PPFIA3: variants seen among roughly 807,000 people sequenced by gnomAD.
PPFIA3 encodes the protein PPFI scaffold protein A3.
Under a neutral mutation model 145.8 loss-of-function variants are expected in PPFIA3, and 26 were observed. The ratio of observed to expected loss-of-function variants is 0.18; its 90% CI spans 0.13 to 0.25. The LOEUF is 0.25. Ranked by LOEUF, PPFIA3 falls within the 10% of genes least tolerant of loss-of-function variation. The pLI, the probability that PPFIA3 is intolerant of heterozygous loss-of-function variation, is 1.00. For missense variants in PPFIA3, 1,008 were observed against 1,587.8 expected, an observed-to-expected ratio of 0.63 and a Z score of 6.21; for synonymous variants, 645 against 661.4, an observed-to-expected ratio of 0.98 and a Z score of 0.38.
intron 1 of PPFIA3, among the ~76,000 whole-genome samples, chr19:49,122,461 C>G (rs1254474446): frequency 1.3e-5 from 2 of 152,198 alleles, no homozygotes; most frequent in Admixed American, 1.3e-4. Context: ...TTCCAAAGTT[C>G]TAACAACAAG....
chr19:49,141,764 A>G (rs759611192), intron 19 of PPFIA3, among the ~76,000 whole-genome samples: 36 of 139,304 alleles, frequency 2.6e-4, no homozygotes, highest in Non-Finnish European at 4.5e-4. Flanking sequence ...TCTTTTTTTA[A>G]AAATTTTTTT....
chr19:49,129,339 A>G (rs926430964), intron 4 of PPFIA3, 41 bp from the exon 5 acceptor site: 1 of 1,544,758 alleles, frequency 6.5e-7, no homozygotes, highest in Non-Finnish European at 8.7e-7. Context: ...CCTAAACTGG[A>G]TCTTGTCTCC....
rs2041060813 is a variant in PPFIA3 at position 49,130,852 on chromosome 19, C to G, written c.879+253C>G. Reference sequence around the variant, plus strand: ...CTAACTTTGGGTTCTTCTCTGGTGCCTCTAAATGGATTTTTTTTTTCTTTT... The same window carrying G: ...CTAACTTTGGGTTCTTCTCTGGTGCGTCTAAATGGATTTTTTTTTTCTTTT... On this transcript the variant is annotated intron_variant, in intron 7 of 29. Transcript: ENST00000334186. The surrounding 1 kb of genome is among the most constrained non-coding windows in gnomAD (Gnocchi z 4.5). Among the ~76,000 whole-genome samples the G allele has an allele frequency of 6.6e-6, 1 of 151,956 alleles. No individual in the cohort carries two copies. The highest frequency in any genetic ancestry group is 2.4e-5 in the African/African-American group (1 of 41,282).
chr19:49,133,398 T>C lies in PPFIA3; in HGVS notation c.1161+27T>C, dbSNP rs780900136. 1 of 1,571,228 alleles carries C rather than the reference T, an allele frequency of 6.4e-7. No individual in the cohort carries two copies. On this transcript the variant is annotated intron_variant, in intron 9 of 29. Transcript: ENST00000334186. This position sits in a 1 kb window ranked among gnomAD's most constrained non-coding sequence, Gnocchi z 7.2. ...TGCGGGGAGGACTCGGGTCGGGGCC[T>C]TGCGTGGGGAAGGGGTGGGGCCTAG...
Position 49,132,981 on chromosome 19 carries a change from G to C in PPFIA3, c.880-20G>C, listed in dbSNP as rs370591962. 1,160 of 1,606,476 alleles carry C rather than the reference G, an allele frequency of 7.2e-4. 12 individuals carry two copies. The African/African-American group carries it at 0.012, about 17-fold the overall frequency. ...CCCCCAGGGGCTCGCAGTCCACGGGGCCCTTTGCTACCTCCGCAGGCGCTG... is the reference window on the plus strand; with the variant it reads ...CCCCCAGGGGCTCGCAGTCCACGGGCCCCTTTGCTACCTCCGCAGGCGCTG... On this transcript the variant is annotated intron_variant, in intron 7 of 29. Transcript: ENST00000334186.
intron 7 of PPFIA3, 111 bp from the exon 8 acceptor site, chr19:49,132,890 C>T: frequency 2.1e-6 from 3 of 1,406,960 alleles, no homozygotes; most frequent in Non-Finnish European, 2.9e-6. Context: ...GGGTGTGACA[C>T]CACCATTCTG....
At chr19:49,131,801 G>A (rs1027004344) in intron 7 of PPFIA3, among the ~76,000 whole-genome samples, 1 of 151,102 alleles carries the variant, frequency 6.6e-6, no homozygotes, top group Non-Finnish European at 1.5e-5. Context: ...ACGAGGTCAG[G>A]AGATCAAGAC....
intron 21 of PPFIA3, 58 bp from the exon 22 acceptor site, chr19:49,145,885 T>C: frequency 6.6e-7 from 1 of 1,516,266 alleles, no homozygotes. Flanking sequence ...GACACCCTCC[T>C]TCCTCTCCCC....
At chr19:49,122,713 TG>T (rs1233116261) in intron 1 of PPFIA3, among the ~76,000 whole-genome samples, 294 of 121,158 alleles carry the variant, frequency 2.4e-3, no homozygotes, top group Non-Finnish European at 4.2e-3. Context: ...GTTGTTTAGT[TG>T]TTTTTTTTTT....
chr19:49,135,152 G>C (rs772478771), intron 13 of PPFIA3, among the ~76,000 whole-genome samples: 1 of 150,940 alleles, frequency 6.6e-6, no homozygotes, highest in Admixed American at 6.6e-5. Context: ...AGCGATTCTC[G>C]TGCCTCAGCC....
chr19:49,140,483 G>C (rs951023138), intron 18 of PPFIA3, among the ~76,000 whole-genome samples: 1 of 151,096 alleles, frequency 6.6e-6, no homozygotes, highest in East Asian at 1.9e-4. Flanking sequence ...TGAGCAGCTG[G>C]GACTATAGGC....
In PPFIA3 at chr19:49,148,184, G is replaced by A; in HGVS notation, c.2937G>A (p.Val979=). Residue 979 remains valine, a synonymous_variant, in exon 24 of 30, where the codon GTG becomes GTA. Transcript: ENST00000334186. The part of the protein sequence containing the change: ...QYRSYFMESL[V]DARMLDHLNK... The stretch of plus-strand genomic sequence containing the variant: ...GCAGCTACTTCATGGAGTCGCTGGT[G>A]GACGCTCGAATGTTAGATCACCTTA... 6.2e-7 allele frequency: 1 copy of A among 1,614,228 alleles called. No homozygotes were observed. The highest frequency in any genetic ancestry group is 8.5e-7 in the Non-Finnish European group (1 of 1,180,034).
chr19:49,129,486 T>A, intron 5 of PPFIA3, 32 bp downstream of exon 5: 1 of 1,549,772 alleles, frequency 6.5e-7, no homozygotes, highest in Non-Finnish European at 8.7e-7. Context: ...GGAATTTGAA[T>A]CCAAGGGGAG....
rs2040922014 is a variant in PPFIA3, at chr19:49,120,337, A to G, written c.-16+615A>G. Among the ~76,000 whole-genome samples, 1 of 152,060 alleles carries G rather than the reference A, an allele frequency of 6.6e-6. No individual in the cohort carries two copies. Among genetic ancestry groups the G allele is most frequent in the African/African-American group, 2.4e-5 (1 of 41,414 alleles). The stretch of plus-strand genomic sequence containing the variant: ...GGGCCCTCCCCGACCAGGGCGCCCC[A>G]GCCTCTGGGTTCTGCCGGCCAGGCT... On this transcript the variant is annotated intron_variant, in intron 1 of 29. Coordinates refer to ENST00000334186, the MANE Select transcript of PPFIA3 (RefSeq NM_003660.4). The surrounding 1 kb of genome is among the most constrained non-coding windows in gnomAD (Gnocchi z 4.6).
chr19:49,133,174 G>T lies in PPFIA3; in HGVS notation c.1026+27G>T, dbSNP rs760548169. 43 of 1,586,042 alleles carry T rather than the reference G, an allele frequency of 2.7e-5. No homozygotes were observed. In the Admixed American group the frequency reaches 4.1e-4, roughly 15 times the overall value. ...TGGGGGCGCGGCCGGGAGGGGCGAT[G>T]GGGGCGGTGCCGGGGCCCAAGTGAC... On this transcript the variant is annotated intron_variant, in intron 8 of 29. Transcript: ENST00000334186. The surrounding 1 kb of genome is among the most constrained non-coding windows in gnomAD (Gnocchi z 7.2).
rs376919129 is a variant in PPFIA3 at position 49,149,269 on chromosome 19, C to T, written c.3298C>T (p.Leu1100=). Residue 1100 remains leucine, a synonymous_variant, in exon 27 of 30, where the codon CTG becomes TTG. Coordinates refer to ENST00000334186, the MANE Select transcript of PPFIA3 (RefSeq NM_003660.4). The surrounding 1 kb of genome is among the most constrained non-coding windows in gnomAD (Gnocchi z 5.7). ...PTQNAQARQL[L]EKEFSNLISL... ...CTCCTCTTTCCAGGCCCGGCAGCTT[C>T]TGGAGAAGGAATTCAGCAACCTTAT... is the stretch of plus-strand genomic sequence containing the variant. 2.7e-5 allele frequency: 44 copies of T among 1,614,220 alleles called. No individual in the cohort carries two copies. In the African/African-American group the frequency reaches 5.9e-4, roughly 22 times the overall value.
At chr19:49,145,531 G>A (rs140400379) in intron 21 of PPFIA3, among the ~76,000 whole-genome samples, 25 of 152,148 alleles carry the variant, frequency 1.6e-4, no homozygotes, top group African/African-American at 5.8e-4. Flanking sequence ...TTTTATCCTT[G>A]TATGGATTCC....
At position 49,149,371 on chromosome 19, in the gene PPFIA3, C is replaced by G. The variant is rs747734709; in HGVS notation, c.3354+46C>G. ...GAGGGCTCTGCTCCCAGCGGCTCCTCGAGAGGCTGAGCTGAGGGGGCGGGG... is the reference window on the plus strand; with the variant it reads ...GAGGGCTCTGCTCCCAGCGGCTCCTGGAGAGGCTGAGCTGAGGGGGCGGGG... On this transcript the variant is annotated intron_variant, in intron 27 of 29. Coordinates refer to ENST00000334186, the MANE Select transcript of PPFIA3 (RefSeq NM_003660.4). This position sits in a 1 kb window ranked among gnomAD's most constrained non-coding sequence, Gnocchi z 5.7. The G allele has an allele frequency of 2.2e-5, 36 of 1,607,808 alleles. No individual in the cohort carries two copies. In the Middle Eastern group the frequency reaches 6.9e-4, roughly 31 times the overall value.
Position 49,149,810 on chromosome 19 carries a change from C to A in PPFIA3, c.3526+92C>A. 3.5e-6 allele frequency: 5 copies of A among 1,427,598 alleles called. No individual in the cohort carries two copies. Among genetic ancestry groups the A allele is most frequent in the Non-Finnish European group, 3.8e-6 (4 of 1,066,546 alleles). The allele number at this position is 1,427,598 out of a possible 1,614,324, so 88.4% of individuals were successfully genotyped here. On this transcript the variant is annotated intron_variant, in intron 28 of 29. Coordinates refer to ENST00000334186, the MANE Select transcript of PPFIA3 (RefSeq NM_003660.4). This position sits in a 1 kb window ranked among gnomAD's most constrained non-coding sequence, Gnocchi z 5.7. Reference sequence around the variant, plus strand: ...AGTCCGGGTTCTGGAATGGCCTAGTCCTTTCTCGCCCACCCCTGAGGAATG... The same window carrying A: ...AGTCCGGGTTCTGGAATGGCCTAGTACTTTCTCGCCCACCCCTGAGGAATG...
Sources: allele counts gnomAD v4.1 joint callset (sites outside exome capture counted in the v4.1 genomes callset), GRCh38; gene constraint gnomAD v4.1.1; non-coding constraint Gnocchi (gnomAD v3.1); transcripts MANE v1.5; gene names NCBI Gene and HGNC (gene_info 2026-07-23, HGNC 2026-07-21).